The following IRGM variants were observed in gnomAD, a reference collection of about 807,000 sequenced individuals.
IRGM encodes immunity related GTPase M.
For missense variants in IRGM, 288 were observed against 219.9 expected (o/e 1.31, Z -1.96); for synonymous variants, 98 against 80.6 (o/e 1.22, Z -1.16).
intron 3 of IRGM, among the ~76,000 whole-genome samples, chr5:150,886,614 T>C (rs985971689): frequency 6.6e-6 from 1 of 152,078 alleles, no homozygotes; most frequent in African/African-American, 2.4e-5. Context: ...AATTTTTTCC[T>C]GGTTCAATCT....
intron 3 of IRGM, chr5:150,894,566 G>C (rs751406652): frequency 2.6e-5 from 4 of 152,360 alleles, no homozygotes; most frequent in Non-Finnish European, 5.9e-5. Flanking sequence ...GGAAAAGCAA[G>C]CTCAGACGTG....
intron 1 of IRGM, among the ~76,000 whole-genome samples, chr5:150,874,421 G>T (rs11950975): frequency 0.24 from 36,978 of 152,058 alleles, 6,402 homozygotes; most frequent in East Asian, 0.61. Flanking sequence ...CTCAGTAAAA[G>T]TTCTAGGAGT....
rs1753926952 is a variant in IRGM at position 150,848,679 on chromosome 5, T to A, written c.*10T>A. On this transcript the variant is annotated 3_prime_UTR_variant, in exon 2 of 2. Coordinates refer to ENST00000522154, the MANE Select transcript of IRGM (RefSeq NM_001145805.2). ...GGTATGTGAATACTAATTCCTGTCT[T>A]CATTAAACATTTTCCATCTCCTCCT... 1 of 1,492,674 alleles carries A rather than the reference T, an allele frequency of 6.7e-7. No homozygotes were observed. The highest frequency in any genetic ancestry group is 1.3e-5 in the South Asian group (1 of 76,688). The allele number at this position is 1,492,674 out of a possible 1,614,324, so 92.5% of individuals were successfully genotyped here. A position where few individuals can be genotyped will look rare whatever the true frequency, so the allele number is the denominator to read the frequency against.
chr5:150,848,865 C>T (rs571485489), downstream of IRGM, among the ~76,000 whole-genome samples: 7 of 152,062 alleles, frequency 4.6e-5, no homozygotes, highest in Middle Eastern at 3.4e-3. Flanking sequence ...CTGCTTGCTT[C>T]GAAGGTCCTT....
At chr5:150,896,286 G>A (rs1281716579) in intron 3 of IRGM, 1 of 1,613,590 alleles carries the variant, frequency 6.2e-7, no homozygotes, top group South Asian at 1.1e-5. Flanking sequence ...CCCAGTATGA[G>A]TTCTCTGATG....
At chr5:150,884,097 TA>T (rs1311459705) in intron 3 of IRGM, among the ~76,000 whole-genome samples, 1 of 151,926 alleles carries the variant, frequency 6.6e-6, no homozygotes, top group Non-Finnish European at 1.5e-5. Flanking sequence ...CACAAATCTA[TA>T]AATCTATAAT....
At chr5:150,866,021 T>C (rs909942068) in intron 1 of IRGM, among the ~76,000 whole-genome samples, 1 of 152,204 alleles carries the variant, frequency 6.6e-6, no homozygotes, top group African/African-American at 2.4e-5. Context: ...CCTCCCAAAG[T>C]GCTAGGATTA....
At chr5:150,896,173 T>C in intron 3 of IRGM, 2 of 1,613,554 alleles carry the variant, frequency 1.2e-6, no homozygotes, top group Non-Finnish European at 1.7e-6. Flanking sequence ...CCGCATTCAC[T>C]ACATTCATAG....
chr5:150,856,404 C>T (rs1409030623), intron 1 of IRGM, among the ~76,000 whole-genome samples: 2 of 151,996 alleles, frequency 1.3e-5, no homozygotes, highest in African/African-American at 2.4e-5. Context: ...GCACTCCAGC[C>T]TGGGCAACAG....
downstream of IRGM, among the ~76,000 whole-genome samples, chr5:150,851,797 G>T (rs1753980090): frequency 6.6e-6 from 1 of 152,204 alleles, no homozygotes; most frequent in Non-Finnish European, 1.5e-5. Flanking sequence ...AATGTTTTTA[G>T]TAGGCTTTTT....
chr5:150,865,956 C>T lies in IRGM; in HGVS notation c.159-12024C>T, dbSNP rs527622810. On this transcript the variant is annotated intron_variant and NMD_transcript_variant, in intron 1 of 3. Coordinates refer to the IRGM transcript ENST00000520549. ...ATTTTTGGTAGAGATGGGGTTTCAGCATGTTGGCCAGGCTGGTCTTAAACT... is the reference window on the plus strand; with the variant it reads ...ATTTTTGGTAGAGATGGGGTTTCAGTATGTTGGCCAGGCTGGTCTTAAACT... Among the ~76,000 whole-genome samples, 3 of 152,260 alleles carry T rather than the reference C, an allele frequency of 2.0e-5. No individual in the cohort carries two copies. The East Asian group carries it at 5.8e-4, about 29-fold the overall frequency.
At chr5:150,875,753 GAGT>G (rs562650773) in intron 1 of IRGM, among the ~76,000 whole-genome samples, 40 of 152,308 alleles carry the variant, frequency 2.6e-4, no homozygotes, top group African/African-American at 8.9e-4. Context: ...GGCCACTGCT[GAGT>G]GCCCAATTTG....
rs940661997 is a variant in IRGM, at chr5:150,847,890, C to T, written c.-234C>T. 5 of 492,356 alleles carry T rather than the reference C, an allele frequency of 1.0e-5. No homozygotes were observed. The highest frequency in any genetic ancestry group is 7.7e-5 in the African/African-American group (4 of 51,784). The allele number at this position is 492,356 out of a possible 1,614,324, so 30.5% of individuals were successfully genotyped here. A position where few individuals can be genotyped will look rare whatever the true frequency, so the allele number is the denominator to read the frequency against. ...TGATCTCAGCTCACTGCAATATCTGCGTCCAGGGTTCAAGCGATTCCCCTG... is the reference window on the plus strand; with the variant it reads ...TGATCTCAGCTCACTGCAATATCTGTGTCCAGGGTTCAAGCGATTCCCCTG... On this transcript the variant is annotated 5_prime_UTR_variant, in exon 2 of 2. Coordinates refer to ENST00000522154, the MANE Select transcript of IRGM (RefSeq NM_001145805.2).
rs1172742457 is a variant in IRGM at position 150,848,421 on chromosome 5, A to G, written c.298A>G (p.Thr100Ala). Reference sequence around the variant, plus strand: ...GCCTGGCACAGGGTCTGCCACCACAACCCTGGAGAACTACCTGATGGAAAT... The same window carrying G: ...GCCTGGCACAGGGTCTGCCACCACAGCCCTGGAGAACTACCTGATGGAAAT... ...DLPGTGSATT[T>A]LENYLMEMQF... Residue 100 changes from threonine (T) to alanine (A), a missense_variant, in exon 2 of 2, where the codon ACC becomes GCC. Thr to Ala is a moderately conservative substitution (Grantham distance 58). Transcript: ENST00000522154. 1 of 1,551,844 alleles carries G rather than the reference A, an allele frequency of 6.4e-7. No homozygotes were observed. Among genetic ancestry groups the G allele is most frequent in the Non-Finnish European group, 8.7e-7 (1 of 1,146,982 alleles).
At chr5:150,872,840 G>A (rs1416547659) in intron 1 of IRGM, among the ~76,000 whole-genome samples, 1 of 152,112 alleles carries the variant, frequency 6.6e-6, no homozygotes, top group Middle Eastern at 3.2e-3. Flanking sequence ...ATGCTGGAGT[G>A]GATTAGTCAC....
At chr5:150,896,180 A>G (rs1446704090) in intron 3 of IRGM, 3 of 1,613,520 alleles carry the variant, frequency 1.9e-6, no homozygotes, top group South Asian at 1.1e-5. Flanking sequence ...CACTACATTC[A>G]TAGGGTTTTT....
intron 1 of IRGM, 36 bp from the exon 2 acceptor site, chr5:150,847,673 G>C (rs1753891242): frequency 5.9e-6 from 1 of 170,102 alleles, no homozygotes; most frequent in Non-Finnish European, 1.3e-5. Context: ...TGTGTACCCT[G>C]TCCATCCTAA....
intron 3 of IRGM, among the ~76,000 whole-genome samples, chr5:150,885,868 C>T (rs927125721): frequency 1.3e-5 from 2 of 151,992 alleles, no homozygotes; most frequent in Non-Finnish European, 2.9e-5. Context: ...AAACAGAGAT[C>T]GTTTTACTTC....
chr5:150,899,268 A>C (rs572748400), intron 3 of IRGM, among the ~76,000 whole-genome samples: 1 of 152,172 alleles, frequency 6.6e-6, no homozygotes, highest in African/African-American at 2.4e-5. Flanking sequence ...CCAATACACT[A>C]TATAATACCT....
Sources: gnomAD v4.1 joint callset for allele counts (sites outside exome capture counted in the v4.1 genomes callset) on GRCh38, gnomAD v4.1.1 for gene constraint, MANE v1.5 for transcripts, NCBI Gene and HGNC (gene_info 2026-07-23, HGNC 2026-07-21) for gene names.